Variants in CFDP1 observed in about 807,000 individuals in gnomAD.
CFDP1 encodes the protein heterochromatin-stabilizing protein CFDP1.
Under a neutral mutation model 40.1 loss-of-function variants are expected in CFDP1, and 31 were observed. The ratio of observed to expected loss-of-function variants is 0.77; its 90% CI spans 0.58 to 1.04. CFDP1 has a LOEUF of 1.04. Among genes scored for constraint, CFDP1 ranks in the 50% least tolerant of loss-of-function variants. The probability of loss-of-function intolerance (pLI) is 0.00; values close to 1 mark genes in which losing one functional copy is unlikely to be tolerated. For synonymous variants in CFDP1, 167 were observed against 120.0 expected, an observed-to-expected ratio of 1.39 and a Z score of -2.56; for missense variants, 423 against 343.4, an observed-to-expected ratio of 1.23 and a Z score of -1.83.
chr16:75,396,430 T>A lies in CFDP1; in HGVS notation c.531-1221A>T, dbSNP rs1234298491. 2.0e-5 allele frequency among the ~76,000 whole-genome samples: 2 copies of A among 102,454 alleles called. 1 individual carries two copies. The highest frequency in any genetic ancestry group is 4.7e-5 in the Non-Finnish European group (2 of 42,868). 67.2% of individuals were successfully genotyped at this position (102,454 alleles called of 152,430 possible). Reference sequence around the variant, plus strand: ...GGCAGGCGCCTGTAATCACAGCTACTAGGGAGGCTGAGGCAGGAGAATTGC... The same window carrying A: ...GGCAGGCGCCTGTAATCACAGCTACAAGGGAGGCTGAGGCAGGAGAATTGC... On this transcript the variant is annotated intron_variant, in intron 4 of 6. Coordinates refer to ENST00000283882, the MANE Select transcript of CFDP1 (RefSeq NM_006324.3).
intron 5 of CFDP1, among the ~76,000 whole-genome samples, chr16:75,393,149 GC>G (rs2078966575): frequency 6.6e-6 from 1 of 152,124 alleles, no homozygotes; most frequent in Non-Finnish European, 1.5e-5. Flanking sequence ...GGCACTGGAG[GC>G]TAAACATCCC....
intron 5 of CFDP1, among the ~76,000 whole-genome samples, chr16:75,373,848 G>A (rs948115527): frequency 6.6e-6 from 1 of 152,026 alleles, no homozygotes; most frequent in Non-Finnish European, 1.5e-5. Flanking sequence ...AAAAAATTCT[G>A]GTAGGAATTG....
chr16:75,305,274 G>T, intron 5 of CFDP1, 92 bp from the exon 6 acceptor site: 1 of 1,311,068 alleles, frequency 7.6e-7, no homozygotes, highest in East Asian at 2.3e-5. Flanking sequence ...CCCCTAGATT[G>T]GGGCCATTTA....
chr16:75,355,867 C>T (rs962508801), intron 5 of CFDP1, among the ~76,000 whole-genome samples: 1 of 152,244 alleles, frequency 6.6e-6, no homozygotes, highest in Non-Finnish European at 1.5e-5. Context: ...TCAATTAAAT[C>T]TCTTTTCTTT....
At chr16:75,366,168 GTATAGC>G (rs773974793) in intron 5 of CFDP1, among the ~76,000 whole-genome samples, 2 of 152,098 alleles carry the variant, frequency 1.3e-5, no homozygotes, top group African/African-American at 2.4e-5. Context: ...GTATAATGTG[GTATAGC>G]TATAAAGTAC....
At chr16:75,410,733 C>A (rs9939587) in intron 4 of CFDP1, among the ~76,000 whole-genome samples, 1 of 150,902 alleles carries the variant, frequency 6.6e-6, no homozygotes, top group African/African-American at 2.4e-5. Flanking sequence ...ATGGTGAAAC[C>A]CCGTCTCTAC....
At chr16:75,413,018 A>G (rs1187717942) in intron 2 of CFDP1, among the ~76,000 whole-genome samples, 4 of 152,180 alleles carry the variant, frequency 2.6e-5, no homozygotes, top group Non-Finnish European at 5.9e-5. Context: ...CTTCTAAATC[A>G]GGACCAGCTG....
At chr16:75,393,978 C>T (rs2078975437) in intron 5 of CFDP1, among the ~76,000 whole-genome samples, 1 of 151,912 alleles carries the variant, frequency 6.6e-6, no homozygotes, top group Admixed American at 6.6e-5. Flanking sequence ...TGACATGAAC[C>T]CGGGAGGCGG....
intron 5 of CFDP1, among the ~76,000 whole-genome samples, chr16:75,344,157 CA>C (rs1393910212): frequency 6.6e-6 from 1 of 152,182 alleles, no homozygotes; most frequent in East Asian, 1.9e-4. Context: ...TAACTTTTGG[CA>C]GTAGTGCATA....
chr16:75,424,887 G>C (rs1280191139), intron 1 of CFDP1, among the ~76,000 whole-genome samples: 4 of 152,070 alleles, frequency 2.6e-5, no homozygotes, highest in African/African-American at 9.7e-5. Context: ...ATATTGGAAA[G>C]GAAGAAATAA....
intron 4 of CFDP1, among the ~76,000 whole-genome samples, chr16:75,401,542 G>C (rs1396043250): frequency 6.6e-6 from 1 of 152,014 alleles, no homozygotes; most frequent in African/African-American, 2.4e-5. Context: ...AGAGGTTTCA[G>C]TGAGCTGAGA....
At chr16:75,357,453 C>T (rs2078652409) in intron 5 of CFDP1, among the ~76,000 whole-genome samples, 1 of 152,040 alleles carries the variant, frequency 6.6e-6, no homozygotes, top group East Asian at 1.9e-4. Context: ...CGGGGTTTCA[C>T]CATATTGGCC....
intron 4 of CFDP1, among the ~76,000 whole-genome samples, chr16:75,398,563 C>T (rs987372318): frequency 1.2e-4 from 18 of 152,234 alleles, no homozygotes; most frequent in African/African-American, 4.3e-4. Flanking sequence ...CTCTGTCTGT[C>T]TGTCTGTCCC....
At chr16:75,338,726 A>C (rs1007174691) in intron 5 of CFDP1, among the ~76,000 whole-genome samples, 1 of 152,200 alleles carries the variant, frequency 6.6e-6, no homozygotes, top group Non-Finnish European at 1.5e-5. Flanking sequence ...AATAGGGATT[A>C]TGAATGAGAA....
At position 75,367,574 on chromosome 16, in the gene CFDP1, C is replaced by T. The variant is rs558065076; in HGVS notation, c.650+27516G>A. On this transcript the variant is annotated intron_variant, in intron 5 of 6. Coordinates refer to ENST00000283882, the MANE Select transcript of CFDP1 (RefSeq NM_006324.3). ...GTGGGAGGTCGAGGTGGGCAGATCA[C>T]CTGAGGATAGGAGTTCAAGACCAGC... 5.9e-5 allele frequency among the ~76,000 whole-genome samples: 9 copies of T among 152,006 alleles called. No homozygotes were observed. In the South Asian group the frequency reaches 1.5e-3, roughly 25 times the overall value.
chr16:75,418,306 C>CTTTTT (rs60458195), intron 1 of CFDP1, among the ~76,000 whole-genome samples: 1 of 107,140 alleles, frequency 9.3e-6, no homozygotes, highest in African/African-American at 3.4e-5. Flanking sequence ...AACTCTAACC[C>CTTTTT]TTTTTTTTTT....
rs35626913 is a variant in CFDP1 at position 75,388,920 on chromosome 16, C to CT, written c.650+6169dup. ...GTTGTTTGATACTCAACATTAAGGCCTTTTTTTTTTTTTTCCACTCCATAG... is the reference window on the plus strand; with the variant it reads ...GTTGTTTGATACTCAACATTAAGGCCTTTTTTTTTTTTTTTCCACTCCATAG... On this transcript the variant is annotated intron_variant, in intron 5 of 6. Coordinates refer to ENST00000283882, the MANE Select transcript of CFDP1 (RefSeq NM_006324.3). Among the ~76,000 whole-genome samples the CT allele has an allele frequency of 4.3e-3, 631 of 146,416 alleles. 6 individuals carry two copies. Among genetic ancestry groups the CT allele is most frequent in the African/African-American group, 0.014 (561 of 39,306 alleles).
At chr16:75,373,393 G>T (rs1488793094) in intron 5 of CFDP1, among the ~76,000 whole-genome samples, 1 of 152,110 alleles carries the variant, frequency 6.6e-6, no homozygotes, top group Non-Finnish European at 1.5e-5. Context: ...TATTAAAAAG[G>T]TTGTTTTGTA....
At chr16:75,368,280 A>T (rs572444885) in intron 5 of CFDP1, among the ~76,000 whole-genome samples, 55 of 152,304 alleles carry the variant, frequency 3.6e-4, no homozygotes, top group African/African-American at 1.3e-3. Flanking sequence ...AATTGCTTTT[A>T]AAAGAATACT....
Sources: allele counts gnomAD v4.1 joint callset (sites outside exome capture counted in the v4.1 genomes callset), GRCh38; gene constraint gnomAD v4.1.1; transcripts MANE v1.5; gene names NCBI Gene and HGNC (gene_info 2026-07-23, HGNC 2026-07-21).